The following PCDHA8 variants were observed in gnomAD, a reference collection of about 807,000 sequenced individuals.
PCDHA8 encodes the protein protocadherin alpha 8, also known as protocadherin alpha-8.
A neutral mutation model predicts 61.8 loss-of-function variants in PCDHA8; 53 were observed. The ratio of observed to expected loss-of-function variants is 0.86; its 90% CI spans 0.69 to 1.08. The LOEUF (loss-of-function observed/expected upper bound fraction) is 1.08. Among genes scored for constraint, PCDHA8 ranks in the 50% least tolerant of loss-of-function variants. The pLI is 0.00. For missense variants in PCDHA8, 1,293 were observed against 1,245.0 expected (o/e 1.04, Z -0.58); for synonymous variants, 618 against 556.6 (o/e 1.11, Z -1.55).
At chr5:140,884,536 G>A in intron 1 of PCDHA8, 11 of 1,614,090 alleles carry the variant, frequency 6.8e-6, no homozygotes, top group African/African-American at 1.3e-5. Context: ...AGAGGCGGCC[G>A]AGGGTGTGCT....
chr5:140,890,828 A>G (rs1554184556), intron 1 of PCDHA8, among the ~76,000 whole-genome samples: 1 of 152,180 alleles, frequency 6.6e-6, no homozygotes, highest in Non-Finnish European at 1.5e-5. Flanking sequence ...ATGTACTTAC[A>G]TATTTACCAG....
At chr5:140,965,521 G>A (rs1554227745) in intron 1 of PCDHA8, among the ~76,000 whole-genome samples, 2 of 150,836 alleles carry the variant, frequency 1.3e-5, no homozygotes, top group East Asian at 3.9e-4. Flanking sequence ...TAACTGCAAA[G>A]CATTAATGGA....
intron 1 of PCDHA8, chr5:140,966,280 G>A (rs782249047): frequency 2.0e-4 from 74 of 365,660 alleles, no homozygotes; most frequent in Middle Eastern, 6.9e-4. Context: ...CTGGACAGTG[G>A]GGGTAGGGAG....
At chr5:140,981,977 G>A (rs1321410399) in intron 2 of PCDHA8, among the ~76,000 whole-genome samples, 1 of 152,128 alleles carries the variant, frequency 6.6e-6, no homozygotes, top group African/African-American at 2.4e-5. Context: ...TATAGAAAGA[G>A]TAAAATAGAA....
chr5:140,911,672 C>G (rs1010402307), intron 1 of PCDHA8, among the ~76,000 whole-genome samples: 1 of 152,156 alleles, frequency 6.6e-6, no homozygotes, highest in Non-Finnish European at 1.5e-5. Context: ...TTGCCTCTCA[C>G]GAACCGTGCA....
At chr5:140,848,345 G>A (rs1781463859) in intron 1 of PCDHA8, 3 of 918,556 alleles carry the variant, frequency 3.3e-6, no homozygotes, top group South Asian at 3.3e-5. Context: ...GACAAATACA[G>A]CCCTTTTCCC....
At chr5:140,901,439 A>G (rs2068668793) in intron 1 of PCDHA8, among the ~76,000 whole-genome samples, 1 of 152,164 alleles carries the variant, frequency 6.6e-6, no homozygotes, top group South Asian at 2.1e-4. Flanking sequence ...ATGGATATCT[A>G]GTTTCCCAGC....
chr5:140,879,539 A>G (rs1554170849), intron 1 of PCDHA8, among the ~76,000 whole-genome samples: 1 of 152,238 alleles, frequency 6.6e-6, no homozygotes, highest in Non-Finnish European at 1.5e-5. Flanking sequence ...CAACTCCTTT[A>G]GAGAAAAAAA....
At chr5:140,886,903 A>G (rs1432603652) in intron 1 of PCDHA8, among the ~76,000 whole-genome samples, 1 of 152,188 alleles carries the variant, frequency 6.6e-6, no homozygotes, top group East Asian at 1.9e-4. Context: ...CATTTAATAA[A>G]TACTTATTGA....
intron 1 of PCDHA8, among the ~76,000 whole-genome samples, chr5:140,933,965 T>A (rs1400091615): frequency 2.6e-5 from 4 of 152,064 alleles, no homozygotes; most frequent in Non-Finnish European, 5.9e-5. Flanking sequence ...GTAGTGATGT[T>A]TCCCTTTTCA....
At position 140,842,564 on chromosome 5, in the gene PCDHA8, C is replaced by A. The variant is rs781893579; in HGVS notation, c.1243C>A (p.Arg415Ser). 1 of 1,500,320 alleles carries A rather than the reference C, an allele frequency of 6.7e-7. No homozygotes were observed. Among genetic ancestry groups the A allele is most frequent in the South Asian group, 1.2e-5 (1 of 85,270 alleles). 92.9% of individuals were successfully genotyped at this position (1,500,320 alleles called of 1,614,324 possible). Residue 415 changes from arginine (R) to serine (S), a missense_variant, in exon 1 of 4, where the codon CGC (arginine) becomes AGC (serine). Arg to Ser is a moderately radical substitution (Grantham distance 110, BLOSUM62 -1). Coordinates refer to ENST00000531613, the MANE Select transcript of PCDHA8 (RefSeq NM_018911.3). The stretch of plus-strand genomic sequence containing the variant: ...GTTGGTGCTGGACAGCGCCCTGGAC[C>A]GCGAGAGAGTGTCGGCCTATGAGTT... ...YSLVLDSALD[R>S]ERVSAYELVV...
rs114930676 is a variant in PCDHA8 at position 140,999,076 on chromosome 5, C to G, written c.2543-10551C>G. ...CATGCCTAAGTAGTCTCCTTCACTT[C>G]CTCCTTCAGAGGGCTATGGAGAGTA... On this transcript the variant is annotated intron_variant, in intron 3 of 3. Transcript: ENST00000531613. Among the ~76,000 whole-genome samples the G allele has an allele frequency of 3.3e-3, 503 of 152,332 alleles. 4 individuals are homozygous for G. The highest frequency in any genetic ancestry group is 0.011 in the African/African-American group (469 of 41,568).
intron 1 of PCDHA8, chr5:140,864,329 T>C (rs1381036358): frequency 1.3e-5 from 2 of 152,196 alleles, no homozygotes; most frequent in Non-Finnish European, 2.9e-5. Flanking sequence ...ATCATAATTA[T>C]TTGAGTTTAA....
chr5:140,966,436 G>T, intron 1 of PCDHA8: 1 of 421,750 alleles, frequency 2.4e-6, no homozygotes. Flanking sequence ...CCCTCCTACC[G>T]CTCCCTTTCC....
intron 1 of PCDHA8, among the ~76,000 whole-genome samples, chr5:140,897,323 T>TCCCTCCC (rs2065998893): frequency 1.7e-5 from 2 of 114,654 alleles, no homozygotes; most frequent in South Asian, 6.8e-4. Flanking sequence ...CCTAAAGCTA[T>TCCCTCCC]CCCTCCCCCC....
At chr5:140,968,507 T>A in intron 1 of PCDHA8, 1 of 1,614,178 alleles carries the variant, frequency 6.2e-7, no homozygotes, top group South Asian at 1.1e-5. Context: ...TCACATTCTG[T>A]ACCCTACCTC....
chr5:140,936,054 G>A (rs1198755229), intron 1 of PCDHA8, among the ~76,000 whole-genome samples: 2 of 151,770 alleles, frequency 1.3e-5, no homozygotes, highest in Non-Finnish European at 1.5e-5. Flanking sequence ...CACCACACCC[G>A]GCTAATTTTT....
chr5:140,963,964 C>T (rs1207514831), intron 1 of PCDHA8, among the ~76,000 whole-genome samples: 1 of 152,182 alleles, frequency 6.6e-6, no homozygotes, highest in Non-Finnish European at 1.5e-5. Flanking sequence ...AGGAGTGTGA[C>T]TGACTCCAAA....
At chr5:140,882,228 T>C in intron 1 of PCDHA8, 8 of 1,564,682 alleles carry the variant, frequency 5.1e-6, no homozygotes, top group Non-Finnish European at 6.9e-6. Flanking sequence ...GGTAAGGCGT[T>C]GTATATATTG....
Sources: gnomAD v4.1 joint callset for allele counts (sites outside exome capture counted in the v4.1 genomes callset) on GRCh38, gnomAD v4.1.1 for gene constraint, MANE v1.5 for transcripts, NCBI Gene and HGNC (gene_info 2026-07-23, HGNC 2026-07-21) for gene names.